Variants in OIP5 observed in about 807,000 individuals in gnomAD.
The protein encoded by OIP5 is Opa interacting protein 5.
In OIP5, 24 loss-of-function variants were observed where a neutral mutation model predicts 20.3. The ratio of observed to expected loss-of-function variants is 1.18; its 90% CI spans 0.86 to 1.66. OIP5 has a LOEUF of 1.66. OIP5 is among the 40% of genes most tolerant of loss of function. OIP5 has a pLI of 0.00. For synonymous variants in OIP5, 143 were observed against 121.3 expected (o/e 1.18, Z -1.17); for missense variants, 339 against 289.5 (o/e 1.17, Z -1.24).
At position 41,319,670 on chromosome 15, in the gene OIP5, T is replaced by A. The variant is rs767655639; in HGVS notation, c.500A>T (p.Asp167Val). 6.2e-7 allele frequency: 1 copy of A among 1,613,264 alleles called. No individual in the cohort carries two copies. The highest frequency in any genetic ancestry group is 1.1e-5 in the South Asian group (1 of 90,944). ...TAAGTCTACTCACCACACCATTTTGTCACTGGAAAGGCAGAAGTGACCTCT... is the reference window on the plus strand; with the variant it reads ...TAAGTCTACTCACCACACCATTTTGACACTGGAAAGGCAGAAGTGACCTCT... ...ALRGHFCLSS[D>V]KMVCYLLKTK... Residue 167 changes from aspartate to valine, a missense_variant, in exon 3 of 5, where the codon GAC becomes GTC. Asp to Val is a radical substitution (Grantham distance 152, BLOSUM62 -3). Coordinates refer to ENST00000220514, the MANE Select transcript of OIP5 (RefSeq NM_007280.2).
In OIP5 at chr15:41,332,326, TG is replaced by T; in HGVS notation, c.235del (p.Gln79SerfsTer42). The T allele has an allele frequency of 6.2e-7, 1 of 1,610,870 alleles. No individual in the cohort carries two copies. The highest frequency in any genetic ancestry group is 8.5e-7 in the Non-Finnish European group (1 of 1,178,566). ...GAGCACTGCGTGACACTGTGCGCAC[TG>T]GAACACAGCGCACCTCTCAGGCTGC... ...WLQPERCAVF[Q>X]CAQCHAVLAD... On this transcript the variant is annotated frameshift_variant, in exon 1 of 5. Coordinates refer to ENST00000220514, the MANE Select transcript of OIP5 (RefSeq NM_007280.2). LOFTEE classifies it high-confidence loss of function.
chr15:41,312,860 C>T (rs1240799937), intron 4 of OIP5, among the ~76,000 whole-genome samples: 1 of 150,348 alleles, frequency 6.7e-6, no homozygotes, highest in African/African-American at 2.4e-5. Context: ...CATCTCCTGA[C>T]CTCATGTTCT....
At chr15:41,332,148 T>C in intron 1 of OIP5, 92 bp downstream of exon 1, 2 of 1,428,724 alleles carry the variant, frequency 1.4e-6, no homozygotes, top group Non-Finnish European at 1.9e-6. Flanking sequence ...TCCCGTTTTC[T>C]TCCCCAGGTG....
intron 2 of OIP5, among the ~76,000 whole-genome samples, chr15:41,327,418 C>A (rs1291139686): frequency 6.6e-6 from 1 of 151,924 alleles, no homozygotes; most frequent in African/African-American, 2.4e-5. Context: ...ACCTCGTGAT[C>A]CTCCCGCCTC....
intron 2 of OIP5, among the ~76,000 whole-genome samples, chr15:41,324,274 C>T (rs979761819): frequency 2.0e-5 from 3 of 152,068 alleles, no homozygotes; most frequent in Non-Finnish European, 4.4e-5. Flanking sequence ...GGATTACAGG[C>T]GTGAGCCATT....
chr15:41,332,074 C>T, intron 1 of OIP5, 93 bp from the exon 2 acceptor site: 1 of 1,389,142 alleles, frequency 7.2e-7, no homozygotes. Flanking sequence ...CCGTAAATAT[C>T]AGGAGACTCC....
chr15:41,319,567 C>T, intron 3 of OIP5, 91 bp downstream of exon 3: 1 of 1,377,146 alleles, frequency 7.3e-7, no homozygotes, highest in Middle Eastern at 2.1e-4. Flanking sequence ...TTTGTCTTTC[C>T]TGAAAAACCT....
At chr15:41,317,912 TCAAA>T (rs2047797801) in intron 3 of OIP5, among the ~76,000 whole-genome samples, 1 of 151,988 alleles carries the variant, frequency 6.6e-6, no homozygotes, top group Admixed American at 6.6e-5. Context: ...ACTCCTAAGC[TCAAA>T]CAATCCTCCA....
intron 3 of OIP5, among the ~76,000 whole-genome samples, chr15:41,317,441 G>A (rs571305408): frequency 3.0e-4 from 45 of 150,472 alleles, no homozygotes; most frequent in African/African-American, 9.3e-4. Context: ...GTGCAGTGGC[G>A]CGATCTTGGT....
chr15:41,329,318 T>C (rs1277390013), intron 2 of OIP5, among the ~76,000 whole-genome samples: 1 of 149,258 alleles, frequency 6.7e-6, no homozygotes, highest in African/African-American at 2.5e-5. Flanking sequence ...CTCTAGTTTT[T>C]TTTTTTTTTT....
intron 2 of OIP5, among the ~76,000 whole-genome samples, chr15:41,320,593 T>C (rs889878911): frequency 2.0e-5 from 3 of 152,122 alleles, no homozygotes; most frequent in Non-Finnish European, 4.4e-5. Context: ...TGCTCAATGG[T>C]GCCCAGGCTG....
intron 3 of OIP5, among the ~76,000 whole-genome samples, chr15:41,314,914 G>A (rs975180676): frequency 6.6e-6 from 1 of 151,446 alleles, no homozygotes; most frequent in Non-Finnish European, 1.5e-5. Flanking sequence ...TTACAGCTGT[G>A]AGCCAACATG....
At chr15:41,330,476 T>C (rs1279252628) in intron 2 of OIP5, among the ~76,000 whole-genome samples, 21 of 149,524 alleles carry the variant, frequency 1.4e-4, no homozygotes, top group Non-Finnish European at 1.5e-5. Flanking sequence ...GCAATCTCGG[T>C]CACTGCAAGC....
rs780354656 is a variant in OIP5 at position 41,309,848 on chromosome 15, A to G, written c.596T>C (p.Leu199Pro). 10 of 1,596,298 alleles carry G rather than the reference A, an allele frequency of 6.3e-6. No individual in the cohort carries two copies. The African/African-American group carries it at 1.2e-4, about 19-fold the overall frequency. Residue 199 changes from leucine to proline, a missense_variant and splice_region_variant, in exon 5 of 5, where the codon CTG becomes CCG. By Grantham distance (98) the Leu-to-Pro change is moderately conservative. Transcript: ENST00000220514. ...NVPLSEKIAE[L>P]KEKIVLTHNR... is the part of the protein sequence containing the mutation. The stretch of plus-strand genomic sequence containing the variant: ...GTGCGTTAGCACTATCTTCTCTTTC[A>G]GCTAGGAAGAGAAATATATAGATAT...
intron 3 of OIP5, among the ~76,000 whole-genome samples, chr15:41,315,159 G>C (rs2047782118): frequency 6.6e-6 from 1 of 151,518 alleles, no homozygotes; most frequent in South Asian, 2.1e-4. Flanking sequence ...GCGGGGCGCA[G>C]TGGCTTATGC....
rs772778230 is a variant in OIP5 at position 41,319,758 on chromosome 15, C to T, written c.412G>A (p.Gly138Ser). 5 of 1,613,178 alleles carry T rather than the reference C, an allele frequency of 3.1e-6. No individual in the cohort carries two copies. Among genetic ancestry groups the T allele is most frequent in the Non-Finnish European group, 2.5e-6 (3 of 1,179,462 alleles). Residue 138 changes from glycine to serine, a missense_variant, in exon 3 of 5, where the codon GGT becomes AGT. Transcript: ENST00000220514. ...AAACCAACGGGAATCCCACAAGAAC[C>T]ACAGAATAAAAGGTTGTAAGTACTA... The part of the protein sequence containing the change: ...KGSTYNLLFC[G>S]SCGIPVGFHL...
At chr15:41,325,314 G>A (rs1418903634) in intron 2 of OIP5, among the ~76,000 whole-genome samples, 1 of 152,058 alleles carries the variant, frequency 6.6e-6, no homozygotes, top group Non-Finnish European at 1.5e-5. Flanking sequence ...GCTGAGGCAG[G>A]AGAATGGTGT....
At position 41,313,339 on chromosome 15, in the gene OIP5, T is replaced by C; in HGVS notation, c.528A>G (p.Thr176=). The change falls in exon 4 of 5, where the codon ACA becomes ACG. Residue 176 remains threonine (T), a synonymous_variant. Coordinates refer to ENST00000220514, the MANE Select transcript of OIP5 (RefSeq NM_007280.2). The stretch of plus-strand genomic sequence containing the variant: ...TCTCTGATGCATTTACTATGGCTTT[T>C]GTTTTTAAGAGATAGCTAGATAGGA... ...SDKMVCYLLK[T]KAIVNASEMD... The C allele has an allele frequency of 6.3e-7, 1 of 1,597,240 alleles. No homozygotes were observed.
rs2047741138 is a variant in OIP5 at position 41,309,602 on chromosome 15, A to T, written c.*152T>A. On this transcript the variant is annotated 3_prime_UTR_variant, in exon 5 of 5. Coordinates refer to ENST00000220514, the MANE Select transcript of OIP5 (RefSeq NM_007280.2). ...TCTCTCATCTTCTAAAAACAGCTTCACAAATAATTTGGAAAATCAGCCTAA... is the reference window on the plus strand; with the variant it reads ...TCTCTCATCTTCTAAAAACAGCTTCTCAAATAATTTGGAAAATCAGCCTAA... 1 of 506,636 alleles carries T rather than the reference A, an allele frequency of 2.0e-6. No individual in the cohort carries two copies. The highest frequency in any genetic ancestry group is 3.5e-6 in the Non-Finnish European group (1 of 285,612). The allele number at this position is 506,636 out of a possible 1,614,324, so 31.4% of individuals were successfully genotyped here.
Sources: gnomAD v4.1 joint callset for allele counts (sites outside exome capture counted in the v4.1 genomes callset) on GRCh38, gnomAD v4.1.1 for gene constraint, MANE v1.5 for transcripts, NCBI Gene and HGNC (gene_info 2026-07-23, HGNC 2026-07-21) for gene names.